GAN: variants seen among roughly 807,000 people sequenced by gnomAD.
GAN encodes epididymis secretory sperm binding protein.
GAN carries 48 observed loss-of-function variants against 71.3 expected under a neutral mutation model. The observed-to-expected ratio is 0.67, with a 90% CI of 0.53 to 0.86. The LOEUF (loss-of-function observed/expected upper bound fraction) is 0.86, where lower values mean the gene tolerates loss of function less well. Ranked by LOEUF, GAN falls within the 40% of genes least tolerant of loss-of-function variation. The probability of loss-of-function intolerance (pLI) is 0.00; values close to 1 mark genes in which losing one functional copy is unlikely to be tolerated. For synonymous variants in GAN, 386 were observed against 276.8 expected (o/e 1.39, Z -3.92); for missense variants, 928 against 770.1 (o/e 1.21, Z -2.43).
Position 81,379,190 on chromosome 16 carries a change from T to C in GAN, c.*1594T>C, listed in dbSNP as rs529510873. ...AACGTTTATATGCAATTAACATGCA[T>C]ATGAAAAACATCACTTACGTTCTCC... On this transcript the variant is annotated 3_prime_UTR_variant, in exon 11 of 11. Coordinates refer to ENST00000648994, the MANE Select transcript of GAN (RefSeq NM_022041.4). The C allele has an allele frequency of 1.3e-5, 2 of 152,340 alleles. No homozygotes were observed. The highest frequency in any genetic ancestry group is 1.9e-4 in the East Asian group (1 of 5,192). The allele number at this position is 152,340 out of a possible 1,614,324, so 9.4% of individuals were successfully genotyped here.
Position 81,375,715 on chromosome 16 carries a change from C to T in GAN, c.1503-1504C>T, listed in dbSNP as rs181876119. ...GTATGGTGGCTCACACCTGCAATCC[C>T]AGTACTTTAGGAGGCCAAGACAGAA... On this transcript the variant is annotated intron_variant, in intron 9 of 10. Coordinates refer to ENST00000648994, the MANE Select transcript of GAN (RefSeq NM_022041.4). Among the ~76,000 whole-genome samples the T allele has an allele frequency of 1.7e-3, 258 of 151,886 alleles. 1 individual carries two copies. The highest frequency in any genetic ancestry group is 6.8e-3 in the Middle Eastern group (2 of 294).
rs2150705417 is a variant in GAN, at chr16:81,390,097, C to G, written c.*12501C>G. 6.6e-6 allele frequency: 1 copy of G among 152,206 alleles called. No individual in the cohort carries two copies. The highest frequency in any genetic ancestry group is 3.4e-3 in the Middle Eastern group (1 of 294). 9.4% of individuals were successfully genotyped at this position (152,206 alleles called of 1,614,324 possible). A position where few individuals can be genotyped will look rare whatever the true frequency, so the allele number is the denominator to read the frequency against. On this transcript the variant is annotated 3_prime_UTR_variant, in exon 11 of 11. Transcript: ENST00000648994. Reference sequence around the variant, plus strand: ...TGTATTGTGTGTGATATTATCCTATCTTTAATAAAGTCCTACTACTGAAAA... The same window carrying G: ...TGTATTGTGTGTGATATTATCCTATGTTTAATAAAGTCCTACTACTGAAAA...
At chr16:81,336,475 T>G (rs1472071953) in intron 1 of GAN, among the ~76,000 whole-genome samples, 1 of 152,154 alleles carries the variant, frequency 6.6e-6, no homozygotes, top group Non-Finnish European at 1.5e-5. Flanking sequence ...ATGTATTTAT[T>G]TATTTTGAGA....
At position 81,358,762 on chromosome 16, in the gene GAN, G is replaced by C. The variant is rs186191003; in HGVS notation, c.973+831G>C. Among the ~76,000 whole-genome samples, 199 of 152,248 alleles carry C rather than the reference G, an allele frequency of 1.3e-3. 2 individuals carry two copies. Among genetic ancestry groups the C allele is most frequent in the Non-Finnish European group, 2.1e-3 (146 of 68,002 alleles). Reference sequence around the variant, plus strand: ...TTTATCCAAAGCTCTCCCTTAAGGAGCTGATAGAAAAGATAGCCATTGAGG... The same window carrying C: ...TTTATCCAAAGCTCTCCCTTAAGGACCTGATAGAAAAGATAGCCATTGAGG... On this transcript the variant is annotated intron_variant, in intron 5 of 10. Coordinates refer to ENST00000648994, the MANE Select transcript of GAN (RefSeq NM_022041.4).
rs191883273 is a variant in GAN, at chr16:81,355,956, G to A, written c.634-829G>A. 2.0e-4 allele frequency among the ~76,000 whole-genome samples: 30 copies of A among 152,286 alleles called. No individual in the cohort carries two copies. The East Asian group carries it at 5.6e-3, about 28-fold the overall frequency. ...GCTTTCCATGTTAGTTGGGGAAATT[G>A]GTAAAGGAGATAGAAAAATGAGAAA... On this transcript the variant is annotated intron_variant, in intron 3 of 10. Transcript: ENST00000648994.
chr16:81,383,467 T>C lies in GAN; in HGVS notation c.*5871T>C, dbSNP rs1239822853. On this transcript the variant is annotated 3_prime_UTR_variant, in exon 11 of 11. Coordinates refer to ENST00000648994, the MANE Select transcript of GAN (RefSeq NM_022041.4). ...CGGGGTTTCACCATGTTAGCCAGCATGGTCTCGATCTCCTAAACTTCGTGA... is the reference window on the plus strand; with the variant it reads ...CGGGGTTTCACCATGTTAGCCAGCACGGTCTCGATCTCCTAAACTTCGTGA... 2.0e-5 allele frequency: 3 copies of C among 151,728 alleles called. No homozygotes were observed. Among genetic ancestry groups the C allele is most frequent in the African/African-American group, 7.3e-5 (3 of 41,354 alleles). The allele number at this position is 151,728 out of a possible 1,614,324, so 9.4% of individuals were successfully genotyped here. A position where few individuals can be genotyped will look rare whatever the true frequency, so the allele number is the denominator to read the frequency against.
chr16:81,348,360 G>A (rs80307065), intron 1 of GAN, among the ~76,000 whole-genome samples: 3,193 of 151,578 alleles, frequency 0.021, 56 homozygotes, highest in East Asian at 0.082. Flanking sequence ...TTTTTTCCTT[G>A]AACTTTTCAT....
At chr16:81,329,162 GTTGT>G (rs891793308) in intron 1 of GAN, among the ~76,000 whole-genome samples, 2 of 151,942 alleles carry the variant, frequency 1.3e-5, no homozygotes, top group African/African-American at 4.8e-5. Context: ...TTTTTCTCCT[GTTGT>G]TTGTTCTCTT....
At chr16:81,347,943 A>G (rs561577695) in intron 1 of GAN, among the ~76,000 whole-genome samples, 26 of 151,976 alleles carry the variant, frequency 1.7e-4, no homozygotes, top group African/African-American at 6.0e-4. Context: ...ACTTTTTTTC[A>G]GGTGTTGAAC....
intron 9 of GAN, among the ~76,000 whole-genome samples, chr16:81,376,505 G>A (rs1014947624): frequency 1.5e-5 from 2 of 137,914 alleles, no homozygotes; most frequent in African/African-American, 3.0e-5. Flanking sequence ...GTGTGTGTGT[G>A]TGTGTATGTG....
At chr16:81,339,480 T>C (rs943529377) in intron 1 of GAN, among the ~76,000 whole-genome samples, 2 of 152,216 alleles carry the variant, frequency 1.3e-5, no homozygotes, top group Non-Finnish European at 2.9e-5. Context: ...ATTGTACATG[T>C]AATCATCAAG....
intron 1 of GAN, among the ~76,000 whole-genome samples, chr16:81,349,812 C>CT: frequency 6.9e-6 from 1 of 145,478 alleles, no homozygotes; most frequent in East Asian, 2.3e-4. Context: ...ATTTGGATTA[C>CT]AGTATTTGAA....
intron 5 of GAN, among the ~76,000 whole-genome samples, chr16:81,360,649 C>T (rs1469852743): frequency 2.0e-5 from 3 of 151,674 alleles, no homozygotes; most frequent in East Asian, 3.9e-4. Flanking sequence ...ACCTTCAAAT[C>T]CTCTCTTATT....
chr16:81,343,107 A>G (rs1909999980), intron 1 of GAN, among the ~76,000 whole-genome samples: 1 of 152,214 alleles, frequency 6.6e-6, no homozygotes, highest in African/African-American at 2.4e-5. Context: ...ATAGACCAAT[A>G]ACAGGTTCTG....
At chr16:81,325,265 A>G (rs1452921028) in intron 1 of GAN, among the ~76,000 whole-genome samples, 1 of 152,252 alleles carries the variant, frequency 6.6e-6, no homozygotes, top group South Asian at 2.1e-4. Flanking sequence ...TTCTAGCTGT[A>G]GGAATTGCGA....
At chr16:81,351,058 A>T (rs2150683511) in intron 1 of GAN, among the ~76,000 whole-genome samples, 1 of 152,378 alleles carries the variant, frequency 6.6e-6, no homozygotes, top group South Asian at 2.1e-4. Context: ...TAAAATTTAA[A>T]ATATATATTT....
chr16:81,364,606 T>C (rs1387883221), intron 7 of GAN, among the ~76,000 whole-genome samples: 9 of 152,172 alleles, frequency 5.9e-5, no homozygotes. Context: ...GAAGGATCTG[T>C]TGAGCCCAGG....
At chr16:81,321,995 C>T (rs182570712) in intron 1 of GAN, among the ~76,000 whole-genome samples, 719 of 152,148 alleles carry the variant, frequency 4.7e-3, no homozygotes, top group Non-Finnish European at 7.7e-3. Context: ...CTAGATGGCC[C>T]GACACTCTAC....
chr16:81,337,361 C>T (rs561384245), intron 1 of GAN, among the ~76,000 whole-genome samples: 9 of 152,344 alleles, frequency 5.9e-5, no homozygotes, highest in African/African-American at 1.4e-4. Context: ...GTGAACATTA[C>T]ATTCTCTTGC....
Sources: allele counts gnomAD v4.1 joint callset (sites outside exome capture counted in the v4.1 genomes callset), GRCh38; gene constraint gnomAD v4.1.1; transcripts MANE v1.5; gene names NCBI Gene and HGNC (gene_info 2026-07-23, HGNC 2026-07-21).